The following GRB10 variants were observed in gnomAD, a reference collection of about 807,000 sequenced individuals.
GRB10 encodes growth factor receptor bound protein 10.
Under a neutral mutation model 80.9 loss-of-function variants are expected in GRB10, and 20 were observed. That is an observed-to-expected ratio of 0.25 (90% CI 0.17 to 0.36). The LOEUF is 0.36. Among genes scored for constraint, GRB10 ranks in the 10% least tolerant of loss-of-function variants. GRB10 has a pLI of 1.00. For missense variants in GRB10, 548 were observed against 747.7 expected, an observed-to-expected ratio of 0.73 and a Z score of 3.12; for synonymous variants, 291 against 291.5, an observed-to-expected ratio of 1.00 and a Z score of 0.02.
chr7:50,792,612 A>T (rs1022785294), intron 1 of GRB10: 1 of 397,510 alleles, frequency 2.5e-6, no homozygotes, highest in Non-Finnish European at 4.4e-6. Flanking sequence ...ACTTGGTGTT[A>T]GGCCCCAGCG....
At chr7:50,606,187 C>T (rs1470939059) in intron 14 of GRB10, 150 bp downstream of exon 14, 9 of 758,978 alleles carry the variant, frequency 1.2e-5, no homozygotes, top group Admixed American at 5.5e-5. Context: ...ACAAAACCCA[C>T]GTCATCGTGG....
At chr7:50,722,815 AT>A (rs2067977596) in intron 4 of GRB10, among the ~76,000 whole-genome samples, 1 of 152,070 alleles carries the variant, frequency 6.6e-6, no homozygotes, top group Non-Finnish European at 1.5e-5. Flanking sequence ...GCTGCCCTCA[AT>A]GTCCTCCTTG....
At chr7:50,598,156 A>G (rs1003788995) in intron 17 of GRB10, among the ~76,000 whole-genome samples, 2 of 152,188 alleles carry the variant, frequency 1.3e-5, no homozygotes, top group Non-Finnish European at 2.9e-5. Flanking sequence ...GAGCTACTGC[A>G]CCCAGCCAGA....
intron 7 of GRB10, among the ~76,000 whole-genome samples, chr7:50,653,682 C>T (rs1012928040): frequency 2.0e-5 from 3 of 152,198 alleles, no homozygotes; most frequent in African/African-American, 7.2e-5. Context: ...CGCTGGCCTC[C>T]CCGGGCTGGT....
chr7:50,603,081 C>T (rs1185825446), intron 17 of GRB10, among the ~76,000 whole-genome samples: 1 of 152,166 alleles, frequency 6.6e-6, no homozygotes, highest in African/African-American at 2.4e-5. Flanking sequence ...AAACGAAGGA[C>T]ACAAGAATCA....
chr7:50,677,945 A>T (rs2061138043), intron 5 of GRB10, among the ~76,000 whole-genome samples: 1 of 152,220 alleles, frequency 6.6e-6, no homozygotes, highest in Non-Finnish European at 1.5e-5. Context: ...CTGCTTTGGA[A>T]ATAAAAACAG....
rs548573825 is a variant in GRB10, at chr7:50,612,724, C to A, written c.1194+17G>T. On this transcript the variant is annotated intron_variant, in intron 13 of 18. Transcript: ENST00000401949. ...GAAGAGATGTGCACTCAACACAAAC[C>A]GCAAGATGTCACATACCTTGAGGAG... The A allele has an allele frequency of 1.9e-6, 3 of 1,589,334 alleles. No homozygotes were observed. The South Asian group carries it at 3.3e-5, about 18-fold the overall frequency.
rs544956284 is a variant in GRB10 at position 50,594,082 on chromosome 7, A to C, written c.1639-984T>G. 2.0e-5 allele frequency among the ~76,000 whole-genome samples: 3 copies of C among 152,256 alleles called. No individual in the cohort carries two copies. The South Asian group carries it at 6.2e-4, about 32-fold the overall frequency. On this transcript the variant is annotated intron_variant, in intron 18 of 18. Transcript: ENST00000401949. Reference sequence around the variant, plus strand: ...TATAACTGTGTGAATAATATAATGCAGTAGAAGAACAAAAAGGATTGTCTA... The same window carrying C: ...TATAACTGTGTGAATAATATAATGCCGTAGAAGAACAAAAAGGATTGTCTA...
At chr7:50,735,304 CATAA>C (rs1405639895) in intron 3 of GRB10, among the ~76,000 whole-genome samples, 21 of 152,234 alleles carry the variant, frequency 1.4e-4, no homozygotes, top group Admixed American at 3.3e-4. Context: ...AGAATAAAGA[CATAA>C]ATAAACGGTA....
chr7:50,776,816 C>T (rs117768511), intron 2 of GRB10, among the ~76,000 whole-genome samples: 4,123 of 152,238 alleles, frequency 0.027, 90 homozygotes, highest in South Asian at 0.045. Flanking sequence ...TATAATACTA[C>T]CAGCATTCTG....
chr7:50,654,206 T>TG (rs1337660607), intron 7 of GRB10, among the ~76,000 whole-genome samples: 1 of 152,204 alleles, frequency 6.6e-6, no homozygotes, highest in Non-Finnish European at 1.5e-5. Flanking sequence ...TCCTGAAGTG[T>TG]GGGGAATGCC....
intron 7 of GRB10, among the ~76,000 whole-genome samples, chr7:50,650,511 G>A (rs1263999193): frequency 6.6e-6 from 1 of 152,220 alleles, no homozygotes; most frequent in Non-Finnish European, 1.5e-5. Context: ...TCTGGAATGA[G>A]GATGAAACTG....
At chr7:50,787,325 C>T (rs1475785727), upstream of GRB10, among the ~76,000 whole-genome samples, 1 of 151,954 alleles carries the variant, frequency 6.6e-6, no homozygotes, top group African/African-American at 2.4e-5. Flanking sequence ...ATTGTCTAGA[C>T]CTCTTCAGAA....
At chr7:50,667,660 C>T (rs1375350695) in intron 7 of GRB10, among the ~76,000 whole-genome samples, 4 of 146,664 alleles carry the variant, frequency 2.7e-5, no homozygotes, top group East Asian at 1.9e-4. Flanking sequence ...TCAAGCAAGT[C>T]GGGAAAAAAA....
intron 8 of GRB10, among the ~76,000 whole-genome samples, chr7:50,624,130 C>T (rs141636747): frequency 4.6e-5 from 7 of 152,304 alleles, no homozygotes; most frequent in African/African-American, 1.7e-4. Flanking sequence ...TTAGTATCTG[C>T]CTTATAGACT....
intron 8 of GRB10, among the ~76,000 whole-genome samples, chr7:50,623,548 C>T (rs909102838): frequency 6.6e-5 from 10 of 152,170 alleles, no homozygotes; most frequent in African/African-American, 2.4e-4. Flanking sequence ...GCAGGGATGC[C>T]ACTGTTGCTG....
At chr7:50,616,610 G>A (rs955989526) in intron 10 of GRB10, among the ~76,000 whole-genome samples, 1 of 152,178 alleles carries the variant, frequency 6.6e-6, no homozygotes, top group Non-Finnish European at 1.5e-5. Flanking sequence ...ATAAGATAGT[G>A]CACTGAAGGA....
chr7:50,705,442 A>G (rs2064906268), intron 4 of GRB10: 8 of 265,860 alleles, frequency 3.0e-5, no homozygotes, highest in Non-Finnish European at 4.1e-5. Context: ...TCGCAGATGT[A>G]AAACTTGCTA....
chr7:50,624,826 AT>A (rs745717693), intron 8 of GRB10, among the ~76,000 whole-genome samples: 1 of 151,290 alleles, frequency 6.6e-6, no homozygotes, highest in Non-Finnish European at 1.5e-5. Context: ...TTTATTTTTT[AT>A]TTTTTTTGTG....
Sources: gnomAD v4.1 joint callset for allele counts (sites outside exome capture counted in the v4.1 genomes callset) on GRCh38, gnomAD v4.1.1 for gene constraint, MANE v1.5 for transcripts, NCBI Gene and HGNC (gene_info 2026-07-23, HGNC 2026-07-21) for gene names.